The following LDB2 variants were observed in gnomAD, a reference collection of about 807,000 sequenced individuals.
LDB2 encodes LIM domain-binding protein 2.
A neutral mutation model predicts 44.3 loss-of-function variants in LDB2; 12 were observed. The ratio of observed to expected loss-of-function variants is 0.27; its 90% CI spans 0.17 to 0.44. LDB2 has a LOEUF of 0.44. LDB2 is among the 20% of genes least tolerant of loss of function. The probability of loss-of-function intolerance (pLI) is 1.00; values close to 1 mark genes in which losing one functional copy is unlikely to be tolerated. For synonymous variants in LDB2, 164 were observed against 174.8 expected (o/e 0.94, Z 0.49); for missense variants, 344 against 473.5 (o/e 0.73, Z 2.54).
At chr4:16,644,127 T>C (rs1233975988) in intron 2 of LDB2, among the ~76,000 whole-genome samples, 5 of 152,348 alleles carry the variant, frequency 3.3e-5, no homozygotes, top group Non-Finnish European at 7.4e-5. Context: ...CCATTAAGTA[T>C]GGTACTCCCG....
chr4:16,741,561 A>G (rs1015389434), intron 2 of LDB2: 10 of 152,244 alleles, frequency 6.6e-5, no homozygotes, highest in Non-Finnish European at 1.3e-4. Flanking sequence ...AACACAAGAC[A>G]GGAGTCCAGT....
At chr4:16,701,538 A>G (rs1443178086) in intron 2 of LDB2, among the ~76,000 whole-genome samples, 1 of 152,234 alleles carries the variant, frequency 6.6e-6, no homozygotes, top group Non-Finnish European at 1.5e-5. Context: ...TATAGCACCA[A>G]GAACACTGTG....
At chr4:16,764,795 TGGC>T (rs1768832584) in intron 1 of LDB2, among the ~76,000 whole-genome samples, 1 of 152,214 alleles carries the variant, frequency 6.6e-6, no homozygotes, top group Admixed American at 6.5e-5. Context: ...CTTTTGGACC[TGGC>T]AATGTGGCCA....
intron 2 of LDB2, among the ~76,000 whole-genome samples, chr4:16,657,763 C>A (rs1018085071): frequency 6.6e-6 from 1 of 152,164 alleles, no homozygotes; most frequent in Non-Finnish European, 1.5e-5. Context: ...GTTGATTAAA[C>A]GAATGAATGG....
At chr4:16,751,756 A>G (rs759865940) in intron 2 of LDB2, among the ~76,000 whole-genome samples, 1 of 152,232 alleles carries the variant, frequency 6.6e-6, no homozygotes, top group Admixed American at 6.5e-5. Context: ...AATGTCTGAC[A>G]AACAGCAAGA....
intron 4 of LDB2, among the ~76,000 whole-genome samples, chr4:16,586,951 A>G (rs757115818): frequency 6.6e-6 from 1 of 152,192 alleles, no homozygotes; most frequent in East Asian, 1.9e-4. Flanking sequence ...GCCTTTTCTC[A>G]TAGTGATACT....
chr4:16,604,531 A>T (rs1176663720), intron 2 of LDB2, among the ~76,000 whole-genome samples: 3 of 149,008 alleles, frequency 2.0e-5, no homozygotes, highest in Non-Finnish European at 4.5e-5. Flanking sequence ...ATATATATTT[A>T]TATATATATA....
intron 2 of LDB2, among the ~76,000 whole-genome samples, chr4:16,714,760 G>A (rs1218430274): frequency 1.3e-5 from 2 of 152,084 alleles, no homozygotes; most frequent in East Asian, 1.9e-4. Flanking sequence ...TCTGGTGGCT[G>A]CTGGTAACCC....
At chr4:16,698,962 T>C (rs573731757) in intron 2 of LDB2, among the ~76,000 whole-genome samples, 14 of 152,304 alleles carry the variant, frequency 9.2e-5, no homozygotes, top group South Asian at 2.1e-4. Context: ...ATCTCTTCCA[T>C]ATTATCTCTG....
At chr4:16,614,372 G>A (rs1726527103) in intron 2 of LDB2, among the ~76,000 whole-genome samples, 1 of 152,086 alleles carries the variant, frequency 6.6e-6, no homozygotes, top group African/African-American at 2.4e-5. Flanking sequence ...AAGACTTCAT[G>A]ACAAAAATGC....
intron 1 of LDB2, among the ~76,000 whole-genome samples, chr4:16,858,260 G>A (rs1359907793): frequency 6.6e-6 from 1 of 152,190 alleles, no homozygotes; most frequent in Non-Finnish European, 1.5e-5. Context: ...AAAGCAAGGA[G>A]TTGCTCCTAG....
At chr4:16,573,655 G>T (rs1363568078) in intron 5 of LDB2, among the ~76,000 whole-genome samples, 1 of 152,208 alleles carries the variant, frequency 6.6e-6, no homozygotes, top group Non-Finnish European at 1.5e-5. Flanking sequence ...TGGGCATTGA[G>T]TGAGGCATAG....
At position 16,586,026 on chromosome 4, in the gene LDB2, A is replaced by G. The variant is rs1716664475; in HGVS notation, c.532-21T>C. On this transcript the variant is annotated intron_variant, in intron 4 of 7. Transcript: ENST00000304523. ...TGTGCCTAAATGGAAAAAAAACCCC[A>G]CATGTATTTTATCACTACAGGACGG... is the stretch of plus-strand genomic sequence containing the variant. The G allele has an allele frequency of 1.9e-6, 3 of 1,594,290 alleles. No individual in the cohort carries two copies. In the East Asian group the frequency reaches 6.7e-5, roughly 36 times the overall value.
chr4:16,819,460 G>GAAAA (rs369605183), intron 1 of LDB2, among the ~76,000 whole-genome samples: 20 of 93,420 alleles, frequency 2.1e-4, no homozygotes, highest in Non-Finnish European at 3.2e-4. Flanking sequence ...CTGCACTCAG[G>GAAAA]AAAAAAAAAA....
intron 1 of LDB2, among the ~76,000 whole-genome samples, chr4:16,804,865 T>C (rs1778484968): frequency 6.6e-6 from 1 of 152,296 alleles, no homozygotes; most frequent in African/African-American, 2.4e-5. Flanking sequence ...CAAAGTGCAA[T>C]AGACTGGGTA....
chr4:16,508,490 A>T (rs753756886), intron 7 of LDB2, 45 bp downstream of exon 7: 1 of 1,468,108 alleles, frequency 6.8e-7, no homozygotes, highest in East Asian at 2.5e-5. Flanking sequence ...TTGAGTAGGA[A>T]GCAGACAGTT....
intron 5 of LDB2, among the ~76,000 whole-genome samples, chr4:16,559,820 A>G (rs2152375787): frequency 6.6e-6 from 1 of 152,288 alleles, no homozygotes; most frequent in African/African-American, 2.4e-5. Flanking sequence ...TTGGAAGTAA[A>G]GCTCTCCTCA....
At chr4:16,635,385 A>G (rs964421151) in intron 2 of LDB2, among the ~76,000 whole-genome samples, 1 of 152,192 alleles carries the variant, frequency 6.6e-6, no homozygotes, top group Non-Finnish European at 1.5e-5. Context: ...TTAAATTCAA[A>G]TGGTTGGGAG....
chr4:16,657,763 C>T (rs1018085071), intron 2 of LDB2, among the ~76,000 whole-genome samples: 5 of 152,164 alleles, frequency 3.3e-5, no homozygotes, highest in South Asian at 2.1e-4. Flanking sequence ...GTTGATTAAA[C>T]GAATGAATGG....
Sources: gnomAD v4.1 joint callset for allele counts (sites outside exome capture counted in the v4.1 genomes callset) on GRCh38, gnomAD v4.1.1 for gene constraint, MANE v1.5 for transcripts, NCBI Gene and HGNC (gene_info 2026-07-23, HGNC 2026-07-21) for gene names.